The following CDH13 variants were observed in gnomAD, a reference collection of about 807,000 sequenced individuals.
The protein encoded by CDH13 is cadherin 13, also known as cadherin-13.
CDH13 carries 24 observed loss-of-function variants against 63.8 expected under a neutral mutation model. The ratio of observed to expected loss-of-function variants is 0.38; its 90% CI spans 0.27 to 0.53. CDH13 has a LOEUF of 0.53. Ranked by LOEUF, CDH13 falls within the 20% of genes least tolerant of loss-of-function variation. The probability of loss-of-function intolerance (pLI) is 0.85; values close to 1 mark genes in which losing one functional copy is unlikely to be tolerated. For missense variants in CDH13, 1,049 were observed against 903.1 expected, an observed-to-expected ratio of 1.16 and a Z score of -2.07; for synonymous variants, 503 against 355.3, an observed-to-expected ratio of 1.42 and a Z score of -4.67.
intron 7 of CDH13, among the ~76,000 whole-genome samples, chr16:83,507,956 C>T (rs1465443993): frequency 2.0e-5 from 3 of 150,980 alleles, no homozygotes; most frequent in African/African-American, 2.4e-5. Flanking sequence ...CGCTTGAAAC[C>T]GGGAGGCAGA....
At chr16:83,299,236 C>G (rs1347961728) in intron 5 of CDH13, among the ~76,000 whole-genome samples, 2 of 149,402 alleles carry the variant, frequency 1.3e-5, no homozygotes, top group African/African-American at 5.0e-5. Context: ...GGATGTTTCT[C>G]TTTGTTTTAT....
chr16:83,293,943 T>G (rs2089524711), intron 5 of CDH13, among the ~76,000 whole-genome samples: 1 of 152,202 alleles, frequency 6.6e-6, no homozygotes, highest in Non-Finnish European at 1.5e-5. Flanking sequence ...TGATAACTTT[T>G]CATACAGGTA....
At chr16:82,656,766 A>G (rs987724014) in intron 1 of CDH13, among the ~76,000 whole-genome samples, 17 of 152,102 alleles carry the variant, frequency 1.1e-4, no homozygotes, top group African/African-American at 9.7e-5. Context: ...ACCCCTGGCA[A>G]TCCACCGATC....
chr16:82,983,307 G>T (rs142929851), intron 2 of CDH13, among the ~76,000 whole-genome samples: 49 of 152,066 alleles, frequency 3.2e-4, no homozygotes, highest in African/African-American at 9.9e-4. Flanking sequence ...AGCTCTCCCC[G>T]CTCCTCCCAG....
At chr16:83,311,925 T>C (rs1278264532) in intron 5 of CDH13, among the ~76,000 whole-genome samples, 1 of 151,596 alleles carries the variant, frequency 6.6e-6, no homozygotes, top group Non-Finnish European at 1.5e-5. Flanking sequence ...AAATACAAAA[T>C]TAGCCAGGCG....
intron 1 of CDH13, among the ~76,000 whole-genome samples, chr16:82,740,085 C>A (rs986319017): frequency 6.6e-6 from 1 of 152,166 alleles, no homozygotes; most frequent in Non-Finnish European, 1.5e-5. Context: ...GATTTTAAAA[C>A]CTCCGTGCCA....
chr16:83,613,350 C>G (rs1014758465), intron 8 of CDH13, among the ~76,000 whole-genome samples: 6 of 152,300 alleles, frequency 3.9e-5, no homozygotes, highest in South Asian at 2.1e-4. Flanking sequence ...TCTTCTGACT[C>G]ATTTTATCTT....
intron 7 of CDH13, among the ~76,000 whole-genome samples, chr16:83,548,097 G>A (rs1323188668): frequency 1.3e-5 from 1 of 79,088 alleles, no homozygotes; most frequent in Non-Finnish European, 2.8e-5. Flanking sequence ...GGAGCAGGAA[G>A]GGGGGGATGG....
intron 6 of CDH13, among the ~76,000 whole-genome samples, chr16:83,364,303 C>G (rs1176022453): frequency 6.6e-6 from 1 of 152,108 alleles, no homozygotes; most frequent in Non-Finnish European, 1.5e-5. Flanking sequence ...TCCAGGTAGT[C>G]TCTCCCTCAC....
chr16:82,800,916 C>G (rs1212830936), intron 1 of CDH13, among the ~76,000 whole-genome samples: 1 of 151,958 alleles, frequency 6.6e-6, no homozygotes, highest in African/African-American at 2.4e-5. Context: ...TTCCTTTTTC[C>G]TCCTTTCGAC....
intron 9 of CDH13, among the ~76,000 whole-genome samples, chr16:83,671,451 G>T (rs1781179649): frequency 6.6e-6 from 1 of 152,108 alleles, no homozygotes; most frequent in Admixed American, 6.5e-5. Context: ...GTCTCACCAT[G>T]TTGCCCAGGC....
At chr16:83,245,221 G>T (rs1438940443) in intron 5 of CDH13, among the ~76,000 whole-genome samples, 3 of 151,910 alleles carry the variant, frequency 2.0e-5, no homozygotes, top group Non-Finnish European at 4.4e-5. Flanking sequence ...AGACTTATCT[G>T]GCTCTCTGCC....
intron 1 of CDH13, among the ~76,000 whole-genome samples, chr16:82,682,017 TG>T (rs1379527634): frequency 1.3e-5 from 2 of 152,192 alleles, no homozygotes; most frequent in African/African-American, 4.8e-5. Context: ...CCAAATCAGG[TG>T]GGGCTCTCAA....
intron 1 of CDH13, among the ~76,000 whole-genome samples, chr16:82,789,936 A>G (rs1048169254): frequency 6.6e-6 from 1 of 152,134 alleles, no homozygotes; most frequent in African/African-American, 2.4e-5. Context: ...TAGGTGTTCT[A>G]CAATCCTGAC....
At chr16:83,532,253 C>G (rs760189101) in intron 7 of CDH13, among the ~76,000 whole-genome samples, 2 of 152,112 alleles carry the variant, frequency 1.3e-5, no homozygotes, top group East Asian at 1.9e-4. Flanking sequence ...AGTGTGAAAA[C>G]AGACTAGTAC....
In CDH13 at chr16:83,047,857, G is replaced by C. The variant is rs1403948202; in HGVS notation, c.366+15639G>C. ...TCTTTATAATAACTCTATAATATAGGTCCTATTTTATCTTCATTTTACAGG... is the reference window on the plus strand; with the variant it reads ...TCTTTATAATAACTCTATAATATAGCTCCTATTTTATCTTCATTTTACAGG... On this transcript the variant is annotated intron_variant, in intron 3 of 13. Transcript: ENST00000567109. This position sits in a 1 kb window ranked among gnomAD's most constrained non-coding sequence, Gnocchi z 4.9. Among the ~76,000 whole-genome samples the C allele has an allele frequency of 6.6e-6, 1 of 152,016 alleles. No homozygotes were observed. The highest frequency in any genetic ancestry group is 1.5e-5 in the Non-Finnish European group (1 of 68,000).
chr16:82,885,768 A>G (rs759975041), intron 2 of CDH13, among the ~76,000 whole-genome samples: 2 of 152,158 alleles, frequency 1.3e-5, no homozygotes, highest in African/African-American at 4.8e-5. Context: ...TGCACTTTCT[A>G]TGTAACCTTG....
At chr16:82,899,822 G>C (rs1017992742) in intron 2 of CDH13, among the ~76,000 whole-genome samples, 5 of 152,160 alleles carry the variant, frequency 3.3e-5, no homozygotes, top group Non-Finnish European at 7.3e-5. Flanking sequence ...CGGTATAATG[G>C]GATTGAGAAG....
At chr16:83,306,857 C>T (rs2089892511) in intron 5 of CDH13, among the ~76,000 whole-genome samples, 1 of 152,122 alleles carries the variant, frequency 6.6e-6, no homozygotes, top group South Asian at 2.1e-4. Flanking sequence ...TTGGAAATTA[C>T]CCAGTCTCAG....
Sources: allele counts gnomAD v4.1 joint callset (sites outside exome capture counted in the v4.1 genomes callset), GRCh38; gene constraint gnomAD v4.1.1; non-coding constraint Gnocchi (gnomAD v3.1); transcripts MANE v1.5; gene names NCBI Gene and HGNC (gene_info 2026-07-23, HGNC 2026-07-21).